LRRC4B: variants seen among roughly 807,000 people sequenced by gnomAD.
LRRC4B encodes leucine rich repeat containing 4B.
In LRRC4B, 1 loss-of-function variant was observed where a neutral mutation model predicts 7.3. The ratio of observed to expected loss-of-function variants is 0.14; its 90% CI spans 0.05 to 0.65. The LOEUF (loss-of-function observed/expected upper bound fraction) is 0.65, where lower values mean the gene tolerates loss of function less well. Ranked by LOEUF, LRRC4B falls within the 30% of genes least tolerant of loss-of-function variation. The pLI, the probability that LRRC4B is intolerant of heterozygous loss-of-function variation, is 0.84. For synonymous variants in LRRC4B, 500 were observed against 499.2 expected (o/e 1.00, Z -0.02); for missense variants, 730 against 1,041.6 (o/e 0.70, Z 4.12).
At chr19:50,550,026 C>T (rs1981985981) in intron 1 of LRRC4B, among the ~76,000 whole-genome samples, 1 of 152,184 alleles carries the variant, frequency 6.6e-6, no homozygotes, top group Admixed American at 6.5e-5. Context: ...GGGTGAGTCA[C>T]AGCAACGATA....
intron 1 of LRRC4B, among the ~76,000 whole-genome samples, chr19:50,562,177 C>T (rs977420712): frequency 6.6e-6 from 1 of 152,022 alleles, no homozygotes; most frequent in East Asian, 1.9e-4. Flanking sequence ...AGTGCATTCT[C>T]CTCTCTTGGC....
chr19:50,522,506 T>C (rs970583928), intron 2 of LRRC4B, among the ~76,000 whole-genome samples: 63 of 147,294 alleles, frequency 4.3e-4, no homozygotes, highest in Admixed American at 2.4e-3. Context: ...AGATGGAGTC[T>C]CGCTCTGTCG....
intron 1 of LRRC4B, 133 bp downstream of exon 1, chr19:50,567,811 C>T (rs1314842682): frequency 2.7e-5 from 3 of 110,140 alleles, no homozygotes; most frequent in African/African-American, 1.2e-4. Flanking sequence ...CGCCCCCTGT[C>T]CTCTGCCATC....
At position 50,548,290 on chromosome 19, in the gene LRRC4B, C is replaced by T. The variant is rs1981897225; in HGVS notation, c.297+252G>A. Among the ~76,000 whole-genome samples, 1 of 152,224 alleles carries T rather than the reference C, an allele frequency of 6.6e-6. No individual in the cohort carries two copies. Among genetic ancestry groups the T allele is most frequent in the Non-Finnish European group, 1.5e-5 (1 of 68,024 alleles). On this transcript the variant is annotated intron_variant, in intron 2 of 2. Coordinates refer to ENST00000652263, the MANE Select transcript of LRRC4B (RefSeq NM_001080457.2). This position sits in a 1 kb window ranked among gnomAD's most constrained non-coding sequence, Gnocchi z 6.8. The stretch of plus-strand genomic sequence containing the variant: ...CCTGTCCTGTGCCGGGGGGGCTGGG[C>T]AGGTGGCCTGCACTTGGGCCCCGAC...
At chr19:50,565,511 ATGAC>A (rs746990821) in intron 1 of LRRC4B, among the ~76,000 whole-genome samples, 4 of 145,836 alleles carry the variant, frequency 2.7e-5, no homozygotes, top group African/African-American at 7.8e-5. Context: ...CTGCCAGTGA[ATGAC>A]TGTGTGCTCT....
In LRRC4B at chr19:50,548,434, G is replaced by A. The variant is rs575782710; in HGVS notation, c.297+108C>T. ...CCCGCAGGCCACATCCACAGGTGCCGGAGACGGGGAAGCCCCGGTGTGGGG... is the reference window on the plus strand; with the variant it reads ...CCCGCAGGCCACATCCACAGGTGCCAGAGACGGGGAAGCCCCGGTGTGGGG... On this transcript the variant is annotated intron_variant, in intron 2 of 2. Coordinates refer to ENST00000652263, the MANE Select transcript of LRRC4B (RefSeq NM_001080457.2). The surrounding 1 kb of genome is among the most constrained non-coding windows in gnomAD (Gnocchi z 6.8). The A allele has an allele frequency of 6.0e-5, 86 of 1,434,126 alleles. No homozygotes were observed. In the African/African-American group the frequency reaches 7.7e-4, roughly 13 times the overall value. 88.8% of individuals were successfully genotyped at this position (1,434,126 alleles called of 1,614,324 possible).
chr19:50,554,277 G>T lies in LRRC4B; in HGVS notation c.-35-5404C>A, dbSNP rs1234624426. 5.9e-5 allele frequency among the ~76,000 whole-genome samples: 9 copies of T among 152,054 alleles called. 1 individual carries two copies. Among genetic ancestry groups the T allele is most frequent in the Admixed American group, 5.9e-4 (9 of 15,266 alleles). On this transcript the variant is annotated intron_variant, in intron 1 of 2. Coordinates refer to ENST00000652263, the MANE Select transcript of LRRC4B (RefSeq NM_001080457.2). ...CCCAAAGTGCTGGGATGACAGGTGT[G>T]GGCCACCGTACCTGGCCGAGGAAGC...
chr19:50,524,142 G>T lies in LRRC4B; in HGVS notation c.298-4727C>A, dbSNP rs114295090. ...CAGATATACCTGAGAGGCAAACAGC[G>T]TAAGAAATGGTAGAATCTGTGGCAT... On this transcript the variant is annotated intron_variant, in intron 2 of 2. Transcript: ENST00000652263. 9.3e-3 allele frequency among the ~76,000 whole-genome samples: 1,418 copies of T among 152,254 alleles called. 30 individuals are homozygous for T. The highest frequency in any genetic ancestry group is 0.033 in the African/African-American group (1,356 of 41,556).
chr19:50,562,686 C>T (rs1297248514), intron 1 of LRRC4B, among the ~76,000 whole-genome samples: 2 of 151,898 alleles, frequency 1.3e-5, no homozygotes, highest in Non-Finnish European at 2.9e-5. Context: ...GGGGCTGCTG[C>T]CCCCTCCTGC....
rs1421281690 is a variant in LRRC4B, at chr19:50,556,243, T to G, written c.-35-7370A>C. Among the ~76,000 whole-genome samples the G allele has an allele frequency of 7.2e-6, 1 of 138,704 alleles. No homozygotes were observed. The highest frequency in any genetic ancestry group is 1.5e-5 in the Non-Finnish European group (1 of 64,744). 91.0% of individuals were successfully genotyped at this position (138,704 alleles called of 152,430 possible). On this transcript the variant is annotated intron_variant, in intron 1 of 2. Transcript: ENST00000652263. This position sits in a 1 kb window ranked among gnomAD's most constrained non-coding sequence, Gnocchi z 4.2. ...GGCAGCAGGACCAACAGGCGGCCCG[T>G]GCAGTGGGGGTGCAGTCGGGGTGGG...
chr19:50,527,773 G>A (rs1980884055), intron 2 of LRRC4B, among the ~76,000 whole-genome samples: 1 of 120,784 alleles, frequency 8.3e-6, no homozygotes, highest in African/African-American at 3.2e-5. Context: ...TTTGAGTCTC[G>A]CTCTGTTGCC....
intron 2 of LRRC4B, among the ~76,000 whole-genome samples, chr19:50,526,649 C>T (rs1980819144): frequency 6.6e-6 from 1 of 152,056 alleles, no homozygotes; most frequent in Non-Finnish European, 1.5e-5. Context: ...TCCAGACTAG[C>T]CTAGGCAATA....
chr19:50,532,749 G>A (rs189451673), intron 2 of LRRC4B, among the ~76,000 whole-genome samples: 25 of 152,300 alleles, frequency 1.6e-4, no homozygotes, highest in Non-Finnish European at 2.5e-4. Flanking sequence ...GTGTTGGGGC[G>A]ACTTCTGCAT....
intron 2 of LRRC4B, among the ~76,000 whole-genome samples, chr19:50,539,105 C>T (rs1007975271): frequency 4.7e-5 from 7 of 149,300 alleles, no homozygotes; most frequent in Admixed American, 2.7e-4. Context: ...GTCTCGAACT[C>T]CTGACCTTGT....
chr19:50,536,656 G>GCTCCT (rs1469213494), intron 2 of LRRC4B, among the ~76,000 whole-genome samples: 1 of 152,184 alleles, frequency 6.6e-6, no homozygotes, highest in East Asian at 1.9e-4. Flanking sequence ...TCTCAGCTCA[G>GCTCCT]CTCCTAGACT....
intron 2 of LRRC4B, among the ~76,000 whole-genome samples, chr19:50,544,438 C>A (rs920689802): frequency 2.0e-5 from 3 of 151,046 alleles, no homozygotes; most frequent in Admixed American, 6.6e-5. Flanking sequence ...ACCCGGGAGG[C>A]GGAGCTTGCA....
Position 50,518,800 on chromosome 19 carries a change from G to A in LRRC4B, c.913C>T (p.Arg305Cys). 1.2e-6 allele frequency: 2 copies of A among 1,614,052 alleles called. No individual in the cohort carries two copies. The highest frequency in any genetic ancestry group is 1.1e-5 in the South Asian group (1 of 91,080). The change falls in exon 3 of 3, where the codon CGC becomes TGC. Residue 305 changes from arginine to cysteine, a missense_variant. This residue lies in a region of LRRC4B where 226 missense variants were observed against 448.0 expected (regional missense o/e 0.50). Transcript: ENST00000652263. ...DLFTPLHRLE[R>C]VHLNHNPWHC... ...CAGGGGTTGTGGTTGAGGTGCACGC[G>A]CTCGAGGCGGTGCAGGGGCGTGAAG...
intron 2 of LRRC4B, among the ~76,000 whole-genome samples, chr19:50,532,278 G>A (rs1486012547): frequency 1.3e-5 from 2 of 152,024 alleles, no homozygotes; most frequent in East Asian, 1.9e-4. Flanking sequence ...CAAAACACTG[G>A]TCCTGTCTCT....
chr19:50,539,330 C>T (rs1430554149), intron 2 of LRRC4B, among the ~76,000 whole-genome samples: 1 of 152,196 alleles, frequency 6.6e-6, no homozygotes, highest in Non-Finnish European at 1.5e-5. Context: ...CTACAGCTTG[C>T]TGGGCGACCT....
Sources: gnomAD v4.1 joint callset for allele counts (sites outside exome capture counted in the v4.1 genomes callset) on GRCh38, gnomAD v4.1.1 for gene constraint, gnomAD v4.1.1 regional missense constraint, Gnocchi (gnomAD v3.1) non-coding constraint, MANE v1.5 for transcripts, NCBI Gene and HGNC (gene_info 2026-07-23, HGNC 2026-07-21) for gene names.